The following ZBTB20 variants were observed in gnomAD, a reference collection of about 807,000 sequenced individuals.
ZBTB20 encodes the protein zinc finger and BTB domain containing 20.
Under a neutral mutation model 56.9 loss-of-function variants are expected in ZBTB20, and 9 were observed. That is an observed-to-expected ratio of 0.16 (90% CI 0.10 to 0.28). The LOEUF is 0.28. Among genes scored for constraint, ZBTB20 ranks in the 10% least tolerant of loss-of-function variants. ZBTB20 has a pLI of 1.00. For missense variants in ZBTB20, 655 were observed against 1,003.0 expected, an observed-to-expected ratio of 0.65 and a Z score of 4.69; for synonymous variants, 417 against 420.7, an observed-to-expected ratio of 0.99 and a Z score of 0.11.
At chr3:114,769,449 T>C (rs1223758883) in intron 5 of ZBTB20, among the ~76,000 whole-genome samples, 2 of 150,706 alleles carry the variant, frequency 1.3e-5, no homozygotes, top group Non-Finnish European at 2.9e-5. Flanking sequence ...ATCTGATGCA[T>C]ATGTATCTAT....
chr3:114,565,546 TC>T (rs1310245088), intron 6 of ZBTB20, among the ~76,000 whole-genome samples: 1 of 152,232 alleles, frequency 6.6e-6, no homozygotes, highest in East Asian at 1.9e-4. Context: ...TTTTCTTTTT[TC>T]TACCAGAGTA....
At chr3:114,802,481 TA>T (rs925599162) in intron 4 of ZBTB20, among the ~76,000 whole-genome samples, 7 of 151,780 alleles carry the variant, frequency 4.6e-5, no homozygotes, top group South Asian at 2.1e-4. Context: ...AGATTAGATT[TA>T]AAAAAAATCA....
At chr3:114,631,917 G>A (rs1420444914) in intron 6 of ZBTB20, among the ~76,000 whole-genome samples, 1 of 152,108 alleles carries the variant, frequency 6.6e-6, no homozygotes, top group East Asian at 1.9e-4. Context: ...GAAGGGAACA[G>A]GTGCTTTTGC....
At chr3:114,626,888 C>A (rs1021087790) in intron 6 of ZBTB20, among the ~76,000 whole-genome samples, 1 of 152,200 alleles carries the variant, frequency 6.6e-6, no homozygotes, top group Non-Finnish European at 1.5e-5. Context: ...GACCATCTGG[C>A]TGATGAATGC....
At chr3:114,411,247 G>T (rs1037190904) in intron 7 of ZBTB20, among the ~76,000 whole-genome samples, 2 of 152,142 alleles carry the variant, frequency 1.3e-5, no homozygotes, top group African/African-American at 4.8e-5. Flanking sequence ...CTCTGGCAGG[G>T]TCATCACCAG....
chr3:114,372,595 G>A (rs959595239), intron 10 of ZBTB20, among the ~76,000 whole-genome samples: 3 of 152,170 alleles, frequency 2.0e-5, no homozygotes, highest in Non-Finnish European at 2.9e-5. Context: ...TTGGGAGGCC[G>A]AGGCAGACGG....
chr3:114,394,181 C>G (rs2086139514), intron 7 of ZBTB20, among the ~76,000 whole-genome samples: 1 of 152,146 alleles, frequency 6.6e-6, no homozygotes, highest in Admixed American at 6.5e-5. Context: ...TTGTTTAACC[C>G]TCATAGCAAT....
At chr3:114,739,349 T>C (rs2066412722) in intron 5 of ZBTB20, among the ~76,000 whole-genome samples, 1 of 152,196 alleles carries the variant, frequency 6.6e-6, no homozygotes, top group Non-Finnish European at 1.5e-5. Flanking sequence ...TGTCAAACCT[T>C]AGATAATTCA....
At chr3:114,360,265 A>C (rs1270734831) in intron 10 of ZBTB20, among the ~76,000 whole-genome samples, 1 of 151,888 alleles carries the variant, frequency 6.6e-6, no homozygotes, top group Non-Finnish European at 1.5e-5. Context: ...TCTAACAAAT[A>C]AAAAAAAGTT....
At chr3:114,377,573 T>G (rs2083796821) in intron 10 of ZBTB20, among the ~76,000 whole-genome samples, 1 of 152,152 alleles carries the variant, frequency 6.6e-6, no homozygotes, top group African/African-American at 2.4e-5. Flanking sequence ...GACTTTTCTT[T>G]TGTGGCGATG....
chr3:114,725,225 T>C (rs2065185679), intron 5 of ZBTB20, among the ~76,000 whole-genome samples: 1 of 152,230 alleles, frequency 6.6e-6, no homozygotes, highest in Non-Finnish European at 1.5e-5. Context: ...TTATAGAGTA[T>C]ATTTATGCAC....
intron 6 of ZBTB20, among the ~76,000 whole-genome samples, chr3:114,675,424 C>T (rs2061576677): frequency 2.0e-5 from 3 of 152,020 alleles, no homozygotes; most frequent in South Asian, 2.1e-4. Flanking sequence ...CGTGACAATG[C>T]GAGCTGTAGG....
Position 114,532,979 on chromosome 3 carries a change from T to A in ZBTB20, c.-294-32588A>T, listed in dbSNP as rs537512465. Among the ~76,000 whole-genome samples the A allele has an allele frequency of 8.1e-4, 123 of 151,972 alleles. 1 individual carries two copies. Among genetic ancestry groups the A allele is most frequent in the African/African-American group, 2.9e-3 (120 of 41,436 alleles). ...AAAAGATGTCCACACAAAAACCCCA[T>A]CCGAAGATCACCAGCGTCAAAGACC... is the stretch of plus-strand genomic sequence containing the variant. On this transcript the variant is annotated intron_variant, in intron 6 of 11. Coordinates refer to ENST00000675478, the MANE Select transcript of ZBTB20 (RefSeq NM_001348800.3).
At chr3:114,953,403 A>T (rs1250116984) in intron 3 of ZBTB20, among the ~76,000 whole-genome samples, 1 of 152,078 alleles carries the variant, frequency 6.6e-6, no homozygotes, top group Non-Finnish European at 1.5e-5. Context: ...AATGGCATAA[A>T]TATACCAATT....
intron 5 of ZBTB20, among the ~76,000 whole-genome samples, chr3:114,702,199 C>T (rs2063434167): frequency 6.6e-6 from 1 of 151,950 alleles, no homozygotes; most frequent in African/African-American, 2.4e-5. Flanking sequence ...AAAAAATTAG[C>T]AGGCATGGTG....
At chr3:114,810,134 T>G (rs2072412212) in intron 4 of ZBTB20, among the ~76,000 whole-genome samples, 1 of 152,152 alleles carries the variant, frequency 6.6e-6, no homozygotes, top group African/African-American at 2.4e-5. Flanking sequence ...TTTACAAGTG[T>G]TTTTTTGATT....
At position 114,629,924 on chromosome 3, in the gene ZBTB20, T is replaced by G. The variant is rs921894833; in HGVS notation, c.-295+63604A>C. On this transcript the variant is annotated intron_variant, in intron 6 of 11. Transcript: ENST00000675478. ...GTAATCCCAGCACTTAGGGCCGAGG[T>G]GGGTCTTCAGCCTAGGAGCTGAAGA... is the stretch of plus-strand genomic sequence containing the variant. Among the ~76,000 whole-genome samples the G allele has an allele frequency of 4.6e-5, 7 of 151,996 alleles. No individual in the cohort carries two copies. In the South Asian group the frequency reaches 1.0e-3, roughly 23 times the overall value.
chr3:115,024,935 C>A (rs893119467), intron 2 of ZBTB20, among the ~76,000 whole-genome samples: 13 of 150,958 alleles, frequency 8.6e-5, no homozygotes, highest in African/African-American at 3.1e-4. Context: ...TAAAATTTGC[C>A]TTATTCTTTC....
At chr3:114,697,512 A>C (rs1206531929) in intron 5 of ZBTB20, among the ~76,000 whole-genome samples, 3 of 151,962 alleles carry the variant, frequency 2.0e-5, no homozygotes, top group Admixed American at 6.6e-5. Flanking sequence ...GGGAAAAAAA[A>C]CTGTAAGTTT....
Sources: allele counts gnomAD v4.1 joint callset (sites outside exome capture counted in the v4.1 genomes callset), GRCh38; gene constraint gnomAD v4.1.1; transcripts MANE v1.5; gene names NCBI Gene and HGNC (gene_info 2026-07-23, HGNC 2026-07-21).